The following ATP6V0B variants were observed in gnomAD, a reference collection of about 807,000 sequenced individuals.
ATP6V0B encodes the protein V-type proton ATPase 21 kDa proteolipid subunit c''.
In ATP6V0B, 4 loss-of-function variants were observed where a neutral mutation model predicts 26.2. The observed-to-expected ratio is 0.15, with a 90% CI of 0.08 to 0.35. The LOEUF is 0.35. Ranked by LOEUF, ATP6V0B falls within the 10% of genes least tolerant of loss-of-function variation. ATP6V0B has a pLI of 1.00. For missense variants in ATP6V0B, 175 were observed against 272.5 expected, an observed-to-expected ratio of 0.64 and a Z score of 2.52; for synonymous variants, 110 against 105.8, an observed-to-expected ratio of 1.04 and a Z score of -0.24.
intron 1 of ATP6V0B, 50 bp from the exon 2 acceptor site, chr1:43,975,750 T>C (rs2085512761): frequency 6.3e-7 from 1 of 1,587,186 alleles, no homozygotes; most frequent in African/African-American, 1.4e-5. Context: ...TTGAAGAACT[T>C]CTCTCTACCG....
rs2085519815 is a variant in ATP6V0B, at chr1:43,976,335, T to C, written c.234T>C (p.Gly78=). 1 of 1,613,634 alleles carries C rather than the reference T, an allele frequency of 6.2e-7. No homozygotes were observed. The highest frequency in any genetic ancestry group is 8.5e-7 in the Non-Finnish European group (1 of 1,179,840). Residue 78 remains glycine, a synonymous_variant, in exon 4 of 8, where the codon GGT becomes GGC. Transcript: ENST00000472174. This position sits in a 1 kb window ranked among gnomAD's most constrained non-coding sequence, Gnocchi z 4.6. The part of the protein sequence containing the change: ...GIYITGSSII[G]GGVKAPRIKT... ...ATATTACCGGCTCCTCCATCATTGG[T>C]GGAGGAGTGAAGGCCCCCAGGATCA... is the stretch of plus-strand genomic sequence containing the variant.
rs1053240003 is a variant in ATP6V0B at position 43,977,974 on chromosome 1, T to C, written c.592-7T>C. On this transcript the variant is annotated splice_region_variant and splice_polypyrimidine_tract_variant and intron_variant, in intron 7 of 7. Transcript: ENST00000472174. ...CCTGCCTGATTTCTCCTGTTCTTTT[T>C]TTGCAGACCTCCAGAGTGAAGATGG... The C allele has an allele frequency of 2.5e-5, 41 of 1,614,128 alleles. No homozygotes were observed. The African/African-American group carries it at 4.9e-4, about 19-fold the overall frequency.
intron 1 of ATP6V0B, 197 bp from the exon 2 acceptor site, chr1:43,975,603 G>T: frequency 3.0e-6 from 2 of 671,156 alleles, no homozygotes; most frequent in South Asian, 3.5e-5. Context: ...TGGTCTGGGA[G>T]GTGGTTTTAG....
intron 7 of ATP6V0B, chr1:43,977,685 G>C (rs922382025): frequency 2.8e-6 from 4 of 1,427,582 alleles, no homozygotes; most frequent in Non-Finnish European, 3.7e-6. Context: ...GACAGTGTGT[G>C]AGTTTGTGAC....
At chr1:43,975,205 G>A in intron 1 of ATP6V0B, 98 bp downstream of exon 1, 5 of 1,312,558 alleles carry the variant, frequency 3.8e-6, no homozygotes, top group Admixed American at 3.0e-5. Flanking sequence ...CTGGCCCCCC[G>A]CGCGCTCTGC....
In ATP6V0B at chr1:43,975,837, T is replaced by C. The variant is rs766632979; in HGVS notation, c.105T>C (p.Phe35=). The C allele has an allele frequency of 6.2e-7, 1 of 1,601,170 alleles. No homozygotes were observed. The highest frequency in any genetic ancestry group is 1.1e-5 in the South Asian group (1 of 89,682). The change falls in exon 2 of 8, where the codon TTT becomes TTC. Residue 35 remains phenylalanine, a synonymous_variant. Coordinates refer to ENST00000472174, the MANE Select transcript of ATP6V0B (RefSeq NM_004047.5). ...CCATTTTTGATTTGGGCTTCCGCTTTGATGTGGCATGGTAAGGGAGGGCAG... is the reference window on the plus strand; with the variant it reads ...CCATTTTTGATTTGGGCTTCCGCTTCGATGTGGCATGGTAAGGGAGGGCAG... ...CYTIFDLGFR[F]DVAWFLTETS...
Position 43,976,615 on chromosome 1 carries a change from A to G in ATP6V0B, c.304A>G (p.Ile102Val). 6.2e-7 allele frequency: 1 copy of G among 1,614,204 alleles called. No individual in the cohort carries two copies. Among genetic ancestry groups the G allele is most frequent in the Non-Finnish European group, 8.5e-7 (1 of 1,180,038 alleles). ...VSIIFCEAVAIYGIIMAIVIS... is the reference protein window; with the variant it reads ...VSIIFCEAVAVYGIIMAIVIS... ...CATCATCTTCTGTGAGGCTGTGGCC[A>G]TCTACGGCATCATCATGGCAATTGT... Residue 102 changes from isoleucine to valine, a missense_variant, in exon 5 of 8, where the codon ATC becomes GTC. Physicochemically the swap from Ile to Val is conservative, Grantham distance 29. Coordinates refer to ENST00000472174, the MANE Select transcript of ATP6V0B (RefSeq NM_004047.5). The surrounding 1 kb of genome is among the most constrained non-coding windows in gnomAD (Gnocchi z 4.6).
At position 43,975,384 on chromosome 1, in the gene ATP6V0B, C is replaced by T. The variant is rs1396065199; in HGVS notation, c.67+277C>T. ...CCTCGCTCCCACGTCTCACTGCTGT[C>T]CCCCCTTTCTTGCTCCTGACCGGCC... On this transcript the variant is annotated intron_variant, in intron 1 of 7. Coordinates refer to ENST00000472174, the MANE Select transcript of ATP6V0B (RefSeq NM_004047.5). 5.3e-6 allele frequency: 3 copies of T among 563,086 alleles called. No homozygotes were observed. In the South Asian group the frequency reaches 6.2e-5, roughly 12 times the overall value. The allele number at this position is 563,086 out of a possible 1,614,324, so 34.9% of individuals were successfully genotyped here.
rs566813805 is a variant in ATP6V0B at position 43,975,660 on chromosome 1, C to T, written c.68-140C>T. 17 of 898,708 alleles carry T rather than the reference C, an allele frequency of 1.9e-5. No individual in the cohort carries two copies. The South Asian group carries it at 2.2e-4, about 12-fold the overall frequency. 55.7% of individuals were successfully genotyped at this position (898,708 alleles called of 1,614,324 possible). On this transcript the variant is annotated intron_variant, in intron 1 of 7. Coordinates refer to ENST00000472174, the MANE Select transcript of ATP6V0B (RefSeq NM_004047.5). ...AGGCCTAAGCAGAGGAATCTGTCTA[C>T]ACAGCTGTACTGTCACCTGGGGGCA... is the stretch of plus-strand genomic sequence containing the variant.
At chr1:43,975,362 C>G in intron 1 of ATP6V0B, 1 of 575,538 alleles carries the variant, frequency 1.7e-6, no homozygotes, top group Admixed American at 3.3e-5. Context: ...TGTCTCCCCT[C>G]GCTCCCACGT....
chr1:43,977,542 T>C, intron 7 of ATP6V0B: 1 of 1,427,140 alleles, frequency 7.0e-7, no homozygotes, highest in Non-Finnish European at 9.1e-7. Context: ...TGATCTAGAC[T>C]AGAATGGAAT....
intron 7 of ATP6V0B, chr1:43,977,588 GAC>G: frequency 7.0e-7 from 1 of 1,421,392 alleles, no homozygotes; most frequent in East Asian, 2.5e-5. Context: ...TGGTGTGTTT[GAC>G]TGTCTCTCGG....
At chr1:43,977,700 GATC>G (rs2085538130) in intron 7 of ATP6V0B, 3 of 1,429,024 alleles carry the variant, frequency 2.1e-6, no homozygotes, top group Non-Finnish European at 2.7e-6. Context: ...TGTGACTAAG[GATC>G]AGCCTGAGGG....
Position 43,976,031 on chromosome 1 carries a change from A to G in ATP6V0B, c.117-59A>G, listed in dbSNP as rs1226904207. On this transcript the variant is annotated intron_variant, in intron 2 of 7. Coordinates refer to ENST00000472174, the MANE Select transcript of ATP6V0B (RefSeq NM_004047.5). The surrounding 1 kb of genome is among the most constrained non-coding windows in gnomAD (Gnocchi z 4.6). ...GTTGAAGGGGGTTTGAGGGGTTAAG[A>G]TTTTGTGCTCCGCTTCCCTGCTAGA... is the stretch of plus-strand genomic sequence containing the variant. The G allele has an allele frequency of 2.5e-6, 4 of 1,581,536 alleles. No individual in the cohort carries two copies. Among genetic ancestry groups the G allele is most frequent in the African/African-American group, 2.7e-5 (2 of 74,054 alleles).
In ATP6V0B at chr1:43,976,420, T is replaced by C. The variant is rs2085520627; in HGVS notation, c.278+41T>C. 1.9e-6 allele frequency: 3 copies of C among 1,576,636 alleles called. No individual in the cohort carries two copies. Among genetic ancestry groups the C allele is most frequent in the Non-Finnish European group, 2.6e-6 (3 of 1,152,440 alleles). ...CTTGGACTTTTGTCAGAACCAGCTG[T>C]GTTGGCGCTGCCTGTGTGTTTGATC... On this transcript the variant is annotated intron_variant, in intron 4 of 7. Transcript: ENST00000472174. The surrounding 1 kb of genome is among the most constrained non-coding windows in gnomAD (Gnocchi z 4.6).
intron 7 of ATP6V0B, 22 bp downstream of exon 7, chr1:43,977,238 CCT>C: frequency 6.2e-7 from 1 of 1,614,172 alleles, no homozygotes; most frequent in Non-Finnish European, 8.5e-7. Context: ...CCTTGGGAAG[CCT>C]CTGTGTCCTT....
chr1:43,978,190 G>A lies in ATP6V0B; in HGVS notation c.*183G>A, dbSNP rs1268199853. On this transcript the variant is annotated 3_prime_UTR_variant, in exon 8 of 8. Transcript: ENST00000472174. ...GGCCGAGTCCTCAGTGCGGGGAGCA[G>A]GCTGCTGCTGCTGACTCTGTGCAGC... is the stretch of plus-strand genomic sequence containing the variant. 1 of 803,846 alleles carries A rather than the reference G, an allele frequency of 1.2e-6. No individual in the cohort carries two copies. The highest frequency in any genetic ancestry group is 1.7e-5 in the African/African-American group (1 of 58,460). The allele number at this position is 803,846 out of a possible 1,614,324, so 49.8% of individuals were successfully genotyped here.
At chr1:43,975,388 C>G (rs931502662) in intron 1 of ATP6V0B, 6 of 562,078 alleles carry the variant, frequency 1.1e-5, no homozygotes, top group East Asian at 3.3e-5. Flanking sequence ...TGCTGTCCCC[C>G]CTTTCTTGCT....
Position 43,974,968 on chromosome 1 carries a change from G to A in ATP6V0B, c.-73G>A. The A allele has an allele frequency of 1.7e-6, 2 of 1,160,862 alleles. No homozygotes were observed. Among genetic ancestry groups the A allele is most frequent in the Non-Finnish European group, 2.2e-6 (2 of 912,078 alleles). The allele number at this position is 1,160,862 out of a possible 1,614,324, so 71.9% of individuals were successfully genotyped here. A position where few individuals can be genotyped will look rare whatever the true frequency, so the allele number is the denominator to read the frequency against. ...CTGCGGGGCGGGCGGACAGACTGCG[G>A]GACGGACGGTGGACGCTGGGACGCG... is the stretch of plus-strand genomic sequence containing the variant. On this transcript the variant is annotated 5_prime_UTR_variant, in exon 1 of 8. Transcript: ENST00000472174.
Sources: gnomAD v4.1 joint callset for allele counts on GRCh38, gnomAD v4.1.1 for gene constraint, Gnocchi (gnomAD v3.1) non-coding constraint, MANE v1.5 for transcripts, NCBI Gene and HGNC (gene_info 2026-07-23, HGNC 2026-07-21) for gene names.